PCDH9: variants seen among roughly 807,000 people sequenced by gnomAD.
The protein encoded by PCDH9 is protocadherin-9.
In PCDH9, 24 loss-of-function variants were observed where a neutral mutation model predicts 70.6. The observed-to-expected ratio is 0.34, with a 90% CI of 0.25 to 0.48. PCDH9 has a LOEUF of 0.48. Ranked by LOEUF, PCDH9 falls within the 20% of genes least tolerant of loss-of-function variation. PCDH9 has a pLI of 0.99. For missense variants in PCDH9, 1,281 were observed against 1,503.6 expected (o/e 0.85, Z 2.45); for synonymous variants, 562 against 558.5 (o/e 1.01, Z -0.09).
At chr13:66,341,468 G>A (rs1956122896) in intron 4 of PCDH9, among the ~76,000 whole-genome samples, 1 of 152,122 alleles carries the variant, frequency 6.6e-6, no homozygotes. Flanking sequence ...GCCACAAGGA[G>A]CTGTGGCAGC....
chr13:66,675,862 C>G (rs2078235693), intron 3 of PCDH9, among the ~76,000 whole-genome samples: 1 of 152,106 alleles, frequency 6.6e-6, no homozygotes, highest in Non-Finnish European at 1.5e-5. Context: ...AGTACTCTGC[C>G]AGCTTTTTGT....
chr13:66,474,099 T>C (rs373846134), intron 4 of PCDH9, among the ~76,000 whole-genome samples: 87 of 152,332 alleles, frequency 5.7e-4, no homozygotes, highest in African/African-American at 2.0e-3. Context: ...AATATATTAT[T>C]GTGAATCTAG....
At position 66,497,786 on chromosome 13, in the gene PCDH9, T is replaced by C. The variant is rs7331382; in HGVS notation, c.3340+133424A>G. Among the ~76,000 whole-genome samples the C allele has an allele frequency of 4.4e-3, 662 of 151,546 alleles. 4 individuals carry two copies. Among genetic ancestry groups the C allele is most frequent in the African/African-American group, 0.015 (629 of 41,366 alleles). On this transcript the variant is annotated intron_variant, in intron 4 of 4. Coordinates refer to ENST00000377865, the MANE Select transcript of PCDH9 (RefSeq NM_203487.3). Reference sequence around the variant, plus strand: ...ATAATAGCTAAGGACATACACAGAGTTGAGAAAAAGTGCTATACACACTCT... The same window carrying C: ...ATAATAGCTAAGGACATACACAGAGCTGAGAAAAAGTGCTATACACACTCT...
At chr13:66,850,550 A>G (rs578143726) in intron 3 of PCDH9, among the ~76,000 whole-genome samples, 57 of 151,888 alleles carry the variant, frequency 3.8e-4, no homozygotes, top group Non-Finnish European at 7.2e-4. Context: ...TTAAATTAGC[A>G]ACATAATAGG....
intron 2 of PCDH9, among the ~76,000 whole-genome samples, chr13:67,175,264 G>A (rs377187244): frequency 1.8e-4 from 27 of 152,134 alleles, no homozygotes; most frequent in South Asian, 4.1e-4. Flanking sequence ...AGTTACTGTC[G>A]TAGGAAAGTA....
intron 3 of PCDH9, among the ~76,000 whole-genome samples, chr13:66,829,744 A>AAAAAAAAAAAAAAAAAAT (rs2080892286): frequency 6.7e-6 from 1 of 149,110 alleles, no homozygotes; most frequent in African/African-American, 2.5e-5. Flanking sequence ...AAAAAAAAAA[A>AAAAAAAAAAAAAAAAAAT]AATTTCATTT....
chr13:66,549,016 A>G (rs75318606), intron 4 of PCDH9, among the ~76,000 whole-genome samples: 4,990 of 152,184 alleles, frequency 0.033, 242 homozygotes, highest in African/African-American at 0.11. Flanking sequence ...CCATACCACC[A>G]TAAGTGAGAG....
intron 4 of PCDH9, among the ~76,000 whole-genome samples, chr13:66,466,443 C>A (rs892141090): frequency 6.6e-6 from 1 of 152,076 alleles, no homozygotes; most frequent in South Asian, 2.1e-4. Flanking sequence ...TAGGGAGATA[C>A]TTTTAAGTCT....
intron 4 of PCDH9, among the ~76,000 whole-genome samples, chr13:66,369,052 C>T (rs1051662582): frequency 6.6e-6 from 1 of 152,046 alleles, no homozygotes; most frequent in Non-Finnish European, 1.5e-5. Flanking sequence ...GTTTCTCTTG[C>T]TAAAATAAAA....
intron 4 of PCDH9, among the ~76,000 whole-genome samples, chr13:66,377,084 A>C (rs1225056133): frequency 6.6e-6 from 1 of 152,200 alleles, no homozygotes; most frequent in African/African-American, 2.4e-5. Context: ...TGGTGTGGTC[A>C]TATTGTCATT....
chr13:67,208,374 T>C (rs866268289), intron 2 of PCDH9: 16 of 152,150 alleles, frequency 1.1e-4, no homozygotes, highest in African/African-American at 3.4e-4. Flanking sequence ...CATATATTTG[T>C]TGGATGAATA....
chr13:66,937,437 T>C (rs1208556782), intron 2 of PCDH9, among the ~76,000 whole-genome samples: 1 of 152,218 alleles, frequency 6.6e-6, no homozygotes, highest in East Asian at 1.9e-4. Flanking sequence ...TATTTGAAGT[T>C]ATATATTTCT....
chr13:66,984,113 C>T (rs2083838171), intron 2 of PCDH9, among the ~76,000 whole-genome samples: 1 of 151,952 alleles, frequency 6.6e-6, no homozygotes. Flanking sequence ...ATAACATTCA[C>T]AATTTTATGA....
chr13:66,868,436 T>C (rs1392969108), intron 3 of PCDH9, among the ~76,000 whole-genome samples: 1 of 152,074 alleles, frequency 6.6e-6, no homozygotes, highest in Non-Finnish European at 1.5e-5. Context: ...GTTTTCATAT[T>C]CTCATAGATA....
intron 3 of PCDH9, among the ~76,000 whole-genome samples, chr13:66,661,708 C>T (rs544633363): frequency 6.6e-5 from 10 of 152,136 alleles, no homozygotes; most frequent in Non-Finnish European, 1.3e-4. Flanking sequence ...CACAGATATC[C>T]AATCTGACAC....
At chr13:66,334,931 A>G (rs532044105) in intron 4 of PCDH9, among the ~76,000 whole-genome samples, 54 of 152,204 alleles carry the variant, frequency 3.5e-4, no homozygotes, top group African/African-American at 1.3e-3. Context: ...TTAATTTCAT[A>G]TTATTTAGTT....
chr13:67,197,592 T>A (rs1983949), intron 2 of PCDH9, among the ~76,000 whole-genome samples: 66,827 of 151,762 alleles, frequency 0.44, 15,759 homozygotes, highest in East Asian at 0.57. Context: ...TCAAAAAATA[T>A]ATATCTGCAG....
chr13:66,817,242 T>A (rs2080624320), intron 3 of PCDH9, among the ~76,000 whole-genome samples: 1 of 152,144 alleles, frequency 6.6e-6, no homozygotes, highest in Non-Finnish European at 1.5e-5. Context: ...AAGAGCTGCA[T>A]AACATATTAA....
intron 3 of PCDH9, among the ~76,000 whole-genome samples, chr13:66,668,015 T>G (rs2078119949): frequency 6.6e-6 from 1 of 152,182 alleles, no homozygotes; most frequent in South Asian, 2.1e-4. Context: ...TACAGTGGAA[T>G]AAACATAATG....
Sources: gnomAD v4.1 joint callset for allele counts (sites outside exome capture counted in the v4.1 genomes callset) on GRCh38, gnomAD v4.1.1 for gene constraint, MANE v1.5 for transcripts, NCBI Gene and HGNC (gene_info 2026-07-23, HGNC 2026-07-21) for gene names.